The following STK39 variants were observed in gnomAD, a reference collection of about 807,000 sequenced individuals.
STK39 encodes the protein serine/threonine kinase 39.
STK39 carries 20 observed loss-of-function variants against 77.8 expected under a neutral mutation model. The ratio of observed to expected loss-of-function variants is 0.26; its 90% CI spans 0.18 to 0.37. STK39 has a LOEUF of 0.37. Ranked by LOEUF, STK39 falls within the 10% of genes least tolerant of loss-of-function variation. The pLI is 1.00. For missense variants in STK39, 479 were observed against 656.5 expected (o/e 0.73, Z 2.95); for synonymous variants, 246 against 234.1 (o/e 1.05, Z -0.47).
At chr2:168,088,818 A>G (rs190698819) in intron 10 of STK39, among the ~76,000 whole-genome samples, 3 of 152,300 alleles carry the variant, frequency 2.0e-5, no homozygotes, top group Admixed American at 2.0e-4. Flanking sequence ...ACCATGTTGT[A>G]CACTTCAAGG....
intron 16 of STK39, among the ~76,000 whole-genome samples, chr2:167,999,315 A>G (rs16854509): frequency 0.021 from 3,211 of 152,168 alleles, 141 homozygotes; most frequent in African/African-American, 0.074. Flanking sequence ...TGCTTCTCAC[A>G]ATTTGTAATT....
At chr2:167,957,418 T>C (rs139532123) in intron 17 of STK39, among the ~76,000 whole-genome samples, 1 of 152,224 alleles carries the variant, frequency 6.6e-6, no homozygotes, top group South Asian at 2.1e-4. Flanking sequence ...GCATTTTGGC[T>C]GAGGTATTTC....
chr2:168,029,417 T>C (rs892304785), intron 14 of STK39, among the ~76,000 whole-genome samples: 4 of 152,218 alleles, frequency 2.6e-5, no homozygotes, highest in Non-Finnish European at 5.9e-5. Context: ...TCAACTTATG[T>C]TACAAAAGAC....
At chr2:168,123,936 T>C (rs191604026) in intron 10 of STK39, among the ~76,000 whole-genome samples, 22 of 148,920 alleles carry the variant, frequency 1.5e-4, no homozygotes, top group African/African-American at 4.9e-4. Context: ...AAGTATTAAA[T>C]AAATGTGAAT....
At chr2:167,955,660 G>A (rs1691744419) in intron 17 of STK39, 90 bp from the exon 18 acceptor site, 2 of 1,290,020 alleles carry the variant, frequency 1.6e-6, no homozygotes, top group South Asian at 2.6e-5. Context: ...TCTAAGCAAA[G>A]GCACAGTTGG....
At chr2:168,071,262 A>C (rs1231890855) in intron 12 of STK39, among the ~76,000 whole-genome samples, 1 of 152,156 alleles carries the variant, frequency 6.6e-6, no homozygotes, top group African/African-American at 2.4e-5. Flanking sequence ...CACTTGTTTA[A>C]TATTCGACTT....
rs138091416 is a variant in STK39, at chr2:168,034,607, G to A, written c.1377-17512C>T. Among the ~76,000 whole-genome samples, 155 of 152,320 alleles carry A rather than the reference G, an allele frequency of 1.0e-3. 1 individual carries two copies. Among genetic ancestry groups the A allele is most frequent in the African/African-American group, 3.5e-3 (146 of 41,580 alleles). ...GATGTTACACACTCTCCAGCATTCA[G>A]GAACTCACTGGACTAAGGGATACCT... On this transcript the variant is annotated intron_variant, in intron 14 of 17. Coordinates refer to ENST00000355999, the MANE Select transcript of STK39 (RefSeq NM_013233.3).
intron 1 of STK39, among the ~76,000 whole-genome samples, chr2:168,195,877 C>T (rs937134335): frequency 2.0e-5 from 3 of 152,108 alleles, no homozygotes; most frequent in Non-Finnish European, 4.4e-5. Context: ...ATTAGATGGG[C>T]GTGGTGGCGG....
chr2:168,055,670 CT>C (rs1299354547), intron 14 of STK39, among the ~76,000 whole-genome samples: 1 of 152,210 alleles, frequency 6.6e-6, no homozygotes, highest in Non-Finnish European at 1.5e-5. Flanking sequence ...TAGGGCTGAG[CT>C]GTCAAAGTAT....
At chr2:168,198,585 C>T (rs912580902) in intron 1 of STK39, among the ~76,000 whole-genome samples, 2 of 152,054 alleles carry the variant, frequency 1.3e-5, no homozygotes, top group East Asian at 1.9e-4. Context: ...AATTATTTAC[C>T]GATGATACTA....
chr2:168,230,634 T>G (rs1690429411), intron 1 of STK39, among the ~76,000 whole-genome samples: 1 of 152,170 alleles, frequency 6.6e-6, no homozygotes, highest in Non-Finnish European at 1.5e-5. Flanking sequence ...CAGCTATAGA[T>G]AGCTGATACA....
intron 1 of STK39, among the ~76,000 whole-genome samples, chr2:168,221,518 G>C (rs1282228969): frequency 1.3e-5 from 2 of 152,158 alleles, no homozygotes; most frequent in East Asian, 3.8e-4. Context: ...AAGACAACTA[G>C]TCCGCAAGAC....
In STK39 at chr2:168,006,135, C is replaced by T. The variant is rs114113727; in HGVS notation, c.1498+6499G>A. On this transcript the variant is annotated intron_variant, in intron 16 of 17. Transcript: ENST00000355999. The stretch of plus-strand genomic sequence containing the variant: ...AGGGAAGGGTGGTATAAAAACACAG[C>T]AAAGGGCAGTCAGTGGGCACATTTC... Among the ~76,000 whole-genome samples the T allele has an allele frequency of 8.3e-3, 1,264 of 152,268 alleles. 15 individuals carry two copies. Among genetic ancestry groups the T allele is most frequent in the African/African-American group, 0.029 (1,210 of 41,526 alleles).
At chr2:168,009,131 C>T (rs1684205501) in intron 16 of STK39, among the ~76,000 whole-genome samples, 1 of 152,060 alleles carries the variant, frequency 6.6e-6, no homozygotes, top group Non-Finnish European at 1.5e-5. Context: ...GGGCAATTGT[C>T]TTTGATAAGT....
At chr2:167,969,377 G>A (rs534302079) in intron 16 of STK39, among the ~76,000 whole-genome samples, 31 of 152,208 alleles carry the variant, frequency 2.0e-4, no homozygotes, top group Admixed American at 5.2e-4. Flanking sequence ...TCAACTTCGG[G>A]ATAAAGTCCA....
intron 10 of STK39, among the ~76,000 whole-genome samples, chr2:168,077,422 T>A (rs1393520119): frequency 6.8e-6 from 1 of 146,376 alleles, no homozygotes; most frequent in Non-Finnish European, 1.5e-5. Flanking sequence ...GCCCTGGCTC[T>A]CTCTCTGTTT....
intron 14 of STK39, among the ~76,000 whole-genome samples, chr2:168,027,203 C>T (rs867904450): frequency 6.6e-6 from 1 of 152,096 alleles, no homozygotes; most frequent in Non-Finnish European, 1.5e-5. Context: ...CAGCCTTGCC[C>T]GAAATCGAAG....
At chr2:167,997,713 A>G (rs1002559036) in intron 16 of STK39, among the ~76,000 whole-genome samples, 3 of 152,252 alleles carry the variant, frequency 2.0e-5, no homozygotes, top group Admixed American at 6.5e-5. Context: ...GCTAATAACA[A>G]AAAGTAATAT....
In STK39 at chr2:168,128,447, G is replaced by A. The variant is rs145184855; in HGVS notation, c.1089+1094C>T. ...CACTCTGATGGACTGTCTGCTCAGC[G>A]CTCCCTGTCCCCTCAGAGACCAACT... On this transcript the variant is annotated intron_variant, in intron 10 of 17. Transcript: ENST00000355999. Among the ~76,000 whole-genome samples, 596 of 152,178 alleles carry A rather than the reference G, an allele frequency of 3.9e-3. 3 individuals are homozygous for A. Among genetic ancestry groups the A allele is most frequent in the Non-Finnish European group, 6.6e-3 (452 of 68,008 alleles).
Sources: allele counts gnomAD v4.1 joint callset (sites outside exome capture counted in the v4.1 genomes callset), GRCh38; gene constraint gnomAD v4.1.1; transcripts MANE v1.5; gene names NCBI Gene and HGNC (gene_info 2026-07-23, HGNC 2026-07-21).